PUDP: variants seen among roughly 807,000 people sequenced by gnomAD.
PUDP encodes pseudouridine 5'-phosphatase.
Under a neutral mutation model 9.4 loss-of-function variants are expected in PUDP, and 8 were observed. The ratio of observed to expected loss-of-function variants is 0.85; its 90% CI spans 0.50 to 1.53. The LOEUF (loss-of-function observed/expected upper bound fraction) is 1.53. Among genes scored for constraint, PUDP ranks in the 40% most tolerant of loss-of-function variants. The probability of loss-of-function intolerance (pLI) is 0.00; values close to 1 mark genes in which losing one functional copy is unlikely to be tolerated. For synonymous variants in PUDP, 99 were observed against 80.7 expected, an observed-to-expected ratio of 1.23 and a Z score of -1.22; for missense variants, 188 against 189.7, an observed-to-expected ratio of 0.99 and a Z score of 0.05.
chrX:7,132,695 T>C (rs1218079771), intron 1 of PUDP, among the ~76,000 whole-genome samples: 1 of 112,058 alleles, frequency 8.9e-6, no homozygotes, highest in Non-Finnish European at 1.9e-5. Context: ...TAGAAAGTAC[T>C]TAAGGGCCAG....
intron 1 of PUDP, among the ~76,000 whole-genome samples, chrX:6,984,498 G>T (rs1011459747): frequency 3.6e-5 from 4 of 111,404 alleles, no homozygotes; most frequent in Non-Finnish European, 7.5e-5. Context: ...ATGGGGAGGA[G>T]ATCAGGGAGT....
chrX:7,100,855 C>A, intron 2 of PUDP, among the ~76,000 whole-genome samples: 1 of 112,201 alleles, frequency 8.9e-6, no homozygotes, highest in East Asian at 2.8e-4. Context: ...TTAGGCACGG[C>A]CTGTCTTTCT....
intron 3 of PUDP, among the ~76,000 whole-genome samples, chrX:6,867,849 C>G (rs1413313385): frequency 9.0e-6 from 1 of 111,364 alleles, no homozygotes; most frequent in African/African-American, 3.3e-5. Context: ...AGCATGACAC[C>G]AGTATCTGGT....
In PUDP at chrX:7,097,080, G is replaced by A. The variant is rs752492285; in HGVS notation, c.280+8540C>T. Reference sequence around the variant, plus strand: ...GAATGTTCCGTCTGGACACCTCATGGCCCAGTCAAGGGGGGTGCATGTCTT... The same window carrying A: ...GAATGTTCCGTCTGGACACCTCATGACCCAGTCAAGGGGGGTGCATGTCTT... On this transcript the variant is annotated intron_variant, in intron 2 of 3. Transcript: ENST00000381077. Among the ~76,000 whole-genome samples the A allele has an allele frequency of 1.3e-4, 15 of 111,438 alleles. No individual in the cohort carries two copies. The South Asian group carries it at 4.9e-3, about 37-fold the overall frequency.
In PUDP at chrX:6,793,072, T is replaced by C. The variant is rs184890733; in HGVS notation, c.*248-86606A>G. On this transcript the variant is annotated intron_variant and NMD_transcript_variant, in intron 3 of 3. Coordinates refer to the PUDP transcript ENST00000655425. ...ATTTATTGCTCACAATTTTGGAGGC[T>C]GGAAGACCAAGATTAAGCAGCCGGC... Among the ~76,000 whole-genome samples, 164 of 112,513 alleles carry C rather than the reference T, an allele frequency of 1.5e-3. No homozygotes were observed. In the Middle Eastern group the frequency reaches 0.028, roughly 19 times the overall value.
chrX:7,068,950 T>C (rs995238560), intron 3 of PUDP, among the ~76,000 whole-genome samples: 1 of 111,814 alleles, frequency 8.9e-6, no homozygotes, highest in Non-Finnish European at 1.9e-5. Flanking sequence ...ACTCTACCCA[T>C]GTCCAGAAAC....
chrX:6,865,388 GAC>G (rs1276205359), intron 3 of PUDP, among the ~76,000 whole-genome samples: 1 of 112,135 alleles, frequency 8.9e-6, no homozygotes, highest in Non-Finnish European at 1.9e-5. Context: ...CTCATTCAGA[GAC>G]TTGCAACTGT....
At chrX:7,138,426 G>T (rs1453477906) in intron 1 of PUDP, among the ~76,000 whole-genome samples, 1 of 108,550 alleles carries the variant, frequency 9.2e-6, no homozygotes, top group African/African-American at 3.4e-5. Context: ...AGGCTGGAGT[G>T]CAGTGGCGTG....
At chrX:6,935,255 T>A (rs1445862865) in intron 3 of PUDP, among the ~76,000 whole-genome samples, 1 of 97,362 alleles carries the variant, frequency 1.0e-5, no homozygotes, top group African/African-American at 3.8e-5. Context: ...TCAGCAAATG[T>A]AAAAGAACAG....
chrX:7,020,138 T>C (rs1049961812), intron 1 of PUDP, among the ~76,000 whole-genome samples: 1 of 110,539 alleles, frequency 9.0e-6, no homozygotes, highest in Non-Finnish European at 1.9e-5. Flanking sequence ...AGTGTGTGCC[T>C]ATTCGAGACA....
intron 1 of PUDP, among the ~76,000 whole-genome samples, chrX:7,040,252 A>G (rs1929903770): frequency 9.0e-6 from 1 of 111,069 alleles, no homozygotes; most frequent in Non-Finnish European, 1.9e-5. Flanking sequence ...GACCCACACA[A>G]CATCACCCTC....
chrX:6,753,039 A>G (rs1278496938), intron 3 of PUDP, among the ~76,000 whole-genome samples: 2 of 110,733 alleles, frequency 1.8e-5, no homozygotes, highest in Non-Finnish European at 3.8e-5. Flanking sequence ...TTACCTCTTT[A>G]GTGGTGATTT....
At chrX:6,971,566 A>G (rs1408391537) in intron 3 of PUDP, among the ~76,000 whole-genome samples, 1 of 97,483 alleles carries the variant, frequency 1.0e-5, no homozygotes, top group African/African-American at 3.7e-5. Flanking sequence ...ACAGGCGCCC[A>G]CCACCACGCC....
At chrX:6,866,257 G>GTT (rs201396229) in intron 3 of PUDP, among the ~76,000 whole-genome samples, 1,478 of 100,418 alleles carry the variant, frequency 0.015, 31 homozygotes, top group African/African-American at 0.05. Context: ...AAAATTTATG[G>GTT]TTTTTTTTTT....
At chrX:6,712,929 C>T (rs763601483) in intron 1 of PUDP, among the ~76,000 whole-genome samples, 2 of 111,522 alleles carry the variant, frequency 1.8e-5, no homozygotes, top group South Asian at 7.6e-4. Flanking sequence ...GCCCTGTGGC[C>T]CCAGCCACTC....
At chrX:7,115,005 C>T (rs1932156969) in intron 1 of PUDP, among the ~76,000 whole-genome samples, 1 of 112,109 alleles carries the variant, frequency 8.9e-6, no homozygotes, top group South Asian at 3.7e-4. Context: ...CTTAAACATG[C>T]CCCATTCTTT....
intron 3 of PUDP, among the ~76,000 whole-genome samples, chrX:6,913,925 T>C (rs1341325637): frequency 1.8e-5 from 2 of 110,591 alleles, no homozygotes; most frequent in African/African-American, 6.6e-5. Context: ...CACTGGCATA[T>C]AGCTTTAAAT....
At chrX:7,108,574 T>C (rs1229602915) in intron 1 of PUDP, among the ~76,000 whole-genome samples, 3 of 112,146 alleles carry the variant, frequency 2.7e-5, no homozygotes, top group Non-Finnish European at 5.6e-5. Context: ...TTTTGACTGC[T>C]AACAGCAACA....
chrX:7,142,641 ATTT>A (rs57612819), intron 1 of PUDP, among the ~76,000 whole-genome samples: 1 of 80,951 alleles, frequency 1.2e-5, no homozygotes. Flanking sequence ...GAGGACTCCA[ATTT>A]TTTTTTTTTT....
Sources: gnomAD v4.1 joint callset for allele counts (sites outside exome capture counted in the v4.1 genomes callset) on GRCh38, gnomAD v4.1.1 for gene constraint, MANE v1.5 for transcripts, NCBI Gene and HGNC (gene_info 2026-07-23, HGNC 2026-07-21) for gene names.